NOL8: variants seen among roughly 807,000 people sequenced by gnomAD.
The protein encoded by NOL8 is nucleolar protein 8.
A neutral mutation model predicts 116.1 loss-of-function variants in NOL8; 93 were observed. That is an observed-to-expected ratio of 0.80 (90% CI 0.68 to 0.95). The LOEUF (loss-of-function observed/expected upper bound fraction) is 0.95, where lower values mean the gene tolerates loss of function less well. NOL8 is among the 40% of genes least tolerant of loss of function. The pLI, the probability that NOL8 is intolerant of heterozygous loss-of-function variation, is 0.00. For synonymous variants in NOL8, 419 were observed against 469.0 expected, an observed-to-expected ratio of 0.89 and a Z score of 1.38; for missense variants, 1,291 against 1,382.8, an observed-to-expected ratio of 0.93 and a Z score of 1.05.
Position 92,307,007 on chromosome 9 carries a change from T to C in NOL8, c.2704A>G (p.Thr902Ala). Residue 902 changes from threonine (T) to alanine (A), a missense_variant, in exon 11 of 17, where the codon ACT becomes GCT. Thr to Ala is a moderately conservative substitution (Grantham distance 58). Transcript: ENST00000442668. ...TCAGCAAGCTCTTCTTCCTCAGCAG[T>C]TTTCTTTTCATTTACCTCTTTGAGG... ...EEQEEVNEKK[T>A]AEEEELAEEK... 1 of 1,610,468 alleles carries C rather than the reference T, an allele frequency of 6.2e-7. No individual in the cohort carries two copies. Among genetic ancestry groups the C allele is most frequent in the Non-Finnish European group, 8.5e-7 (1 of 1,179,238 alleles).
chr9:92,314,590 T>A lies in NOL8; in HGVS notation c.2035A>T (p.Lys679Ter). Residue 679 changes from lysine to a stop codon, truncating the protein, a stop_gained, in exon 7 of 17, where the codon AAG (lysine) becomes TAG (stop). Coordinates refer to ENST00000442668, the MANE Select transcript of NOL8 (RefSeq NM_017948.6). LOFTEE classifies it high-confidence loss of function. ...TTTGCACTAAGACTTAAGGACTTCT[T>A]ACCTTCTAATGGCCTAGAAATAGGA... ...KNPISRPLEG[K>*]KSLSLSAKTH... The A allele has an allele frequency of 6.2e-7, 1 of 1,612,882 alleles. No individual in the cohort carries two copies. Among genetic ancestry groups the A allele is most frequent in the Non-Finnish European group, 8.5e-7 (1 of 1,179,288 alleles).
At chr9:92,311,311 T>C (rs150738458) in intron 7 of NOL8, 52 bp from the exon 8 acceptor site, 1 of 1,384,608 alleles carries the variant, frequency 7.2e-7, no homozygotes, top group African/African-American at 1.4e-5. Flanking sequence ...TGATGAAGAC[T>C]CCAAAAGCAA....
At chr9:92,304,057 G>A (rs1838002802) in intron 12 of NOL8, among the ~76,000 whole-genome samples, 1 of 152,122 alleles carries the variant, frequency 6.6e-6, no homozygotes. Context: ...GGTAGGTACA[G>A]GAACATTTCA....
At chr9:92,319,809 A>G (rs765575033) in intron 4 of NOL8, 19 of 326,386 alleles carry the variant, frequency 5.8e-5, no homozygotes, top group Non-Finnish European at 1.1e-4. Flanking sequence ...ACCACCAGCA[A>G]CTGAGCTATA....
At chr9:92,320,296 C>T (rs983703501) in intron 4 of NOL8, 16 of 417,410 alleles carry the variant, frequency 3.8e-5, no homozygotes, top group African/African-American at 2.2e-4. Context: ...GGCATATCCA[C>T]GCAGATACTC....
chr9:92,310,855 C>A, intron 8 of NOL8, 180 bp from the exon 9 acceptor site: 1 of 641,782 alleles, frequency 1.6e-6, no homozygotes. Context: ...TCTGGGATCA[C>A]TAATCCAGAG....
At chr9:92,313,241 G>C (rs574293587) in intron 7 of NOL8, among the ~76,000 whole-genome samples, 17 of 152,028 alleles carry the variant, frequency 1.1e-4, no homozygotes, top group Middle Eastern at 3.2e-3. Flanking sequence ...TTACGGTTTT[G>C]ACTTTCCACC....
Position 92,301,730 on chromosome 9 carries a change from T to G in NOL8, c.2996A>C (p.Glu999Ala). ...MYYNIAMDLK[E>A]IFQTTKYTSE... ...GGTATATTTTGTAGTTTGGAATATT[T>G]CTTTCAGATCCATAGCAATATTATA... is the stretch of plus-strand genomic sequence containing the variant. The change falls in exon 13 of 17, where the codon GAA becomes GCA. Residue 999 changes from glutamate to alanine, a missense_variant. Physicochemically the swap from Glu to Ala is moderately radical, Grantham distance 107 (BLOSUM62 -1). Coordinates refer to ENST00000442668, the MANE Select transcript of NOL8 (RefSeq NM_017948.6). 1 of 1,607,798 alleles carries G rather than the reference T, an allele frequency of 6.2e-7. No homozygotes were observed. The highest frequency in any genetic ancestry group is 8.5e-7 in the Non-Finnish European group (1 of 1,177,744).
At chr9:92,316,209 A>G in intron 6 of NOL8, 71 bp from the exon 7 acceptor site, 1 of 1,465,780 alleles carries the variant, frequency 6.8e-7, no homozygotes, top group Non-Finnish European at 9.1e-7. Context: ...GATACAAAAA[A>G]TATTGCTTAA....
intron 11 of NOL8, among the ~76,000 whole-genome samples, chr9:92,306,379 C>T (rs1030416566): frequency 1.3e-5 from 2 of 152,108 alleles, no homozygotes; most frequent in East Asian, 1.9e-4. Flanking sequence ...AAAATACATA[C>T]AGATAAAATG....
Position 92,315,077 on chromosome 9 carries a change from T to C in NOL8, c.1548A>G (p.Gln516=), listed in dbSNP as rs1330841551. Residue 516 remains glutamine, a synonymous_variant, in exon 7 of 17, where the codon CAA becomes CAG. Transcript: ENST00000442668. ...TKSDGPETTT[Q]CKFDRGSKSP... ...TCTTGGAGCCTCTGTCAAACTTGCATTGGGTGGTGGTTTCTGGTCCATCAC... is the reference window on the plus strand; with the variant it reads ...TCTTGGAGCCTCTGTCAAACTTGCACTGGGTGGTGGTTTCTGGTCCATCAC... The C allele has an allele frequency of 7.4e-6, 12 of 1,613,968 alleles. No individual in the cohort carries two copies. The highest frequency in any genetic ancestry group is 3.3e-5 in the Admixed American group (2 of 60,014).
chr9:92,297,746 A>G lies in NOL8; in HGVS notation c.*90T>C, dbSNP rs558413540. The stretch of plus-strand genomic sequence containing the variant: ...ATTTTTAAAATTCCTTCACTCTGAA[A>G]TTTCTTCTTTGTCAGCTAAAACTGT... On this transcript the variant is annotated 3_prime_UTR_variant, in exon 17 of 17. Coordinates refer to ENST00000442668, the MANE Select transcript of NOL8 (RefSeq NM_017948.6). 2 of 977,218 alleles carry G rather than the reference A, an allele frequency of 2.0e-6. No individual in the cohort carries two copies. Among genetic ancestry groups the G allele is most frequent in the East Asian group, 5.7e-5 (2 of 34,950 alleles). 60.5% of individuals were successfully genotyped at this position (977,218 alleles called of 1,614,324 possible).
At position 92,298,298 on chromosome 9, in the gene NOL8, T is replaced by C. The variant is rs1309230015; in HGVS notation, c.3412A>G (p.Ser1138Gly). Residue 1138 changes from serine to glycine, a missense_variant, in exon 16 of 17, where the codon AGC becomes GGC. Ser to Gly is a moderately conservative substitution (Grantham distance 56, BLOSUM62 0). Transcript: ENST00000442668. ...GTTCTGGCCTCCCAAGAGTTCCTGCTCATATTACTTCCTACTCCTCTCCAG... is the reference window on the plus strand; with the variant it reads ...GTTCTGGCCTCCCAAGAGTTCCTGCCCATATTACTTCCTACTCCTCTCCAG... ...LFWRGVGSNMSRNSWEARTTN... is the reference protein window; with the variant it reads ...LFWRGVGSNMGRNSWEARTTN... 1 of 1,609,406 alleles carries C rather than the reference T, an allele frequency of 6.2e-7. No individual in the cohort carries two copies. Among genetic ancestry groups the C allele is most frequent in the African/African-American group, 1.3e-5 (1 of 74,952 alleles).
At chr9:92,302,006 A>G (rs995234532) in intron 12 of NOL8, among the ~76,000 whole-genome samples, 184 bp from the exon 13 acceptor site, 5 of 152,238 alleles carry the variant, frequency 3.3e-5, no homozygotes, top group Non-Finnish European at 7.3e-5. Context: ...CTCTACTAAT[A>G]GAAGCAAAAT....
intron 5 of NOL8, chr9:92,318,917 A>G: frequency 2.0e-6 from 1 of 511,124 alleles, no homozygotes; most frequent in South Asian, 3.2e-5. Context: ...GATGGTTTAC[A>G]AAAAACACTG....
chr9:92,320,509 C>T (rs1457454522), intron 4 of NOL8: 6 of 189,646 alleles, frequency 3.2e-5, no homozygotes, highest in Non-Finnish European at 1.1e-5. Flanking sequence ...TTGCTTGCCA[C>T]TCGTTTTAGA....
intron 12 of NOL8, 24 bp from the exon 13 acceptor site, chr9:92,301,846 T>C: frequency 6.6e-7 from 1 of 1,520,090 alleles, no homozygotes; most frequent in East Asian, 2.4e-5. Context: ...TGTAGACATG[T>C]GCATCACAAA....
At chr9:92,300,918 C>T in intron 13 of NOL8, 1 of 970,764 alleles carries the variant, frequency 1.0e-6, no homozygotes, top group Non-Finnish European at 1.2e-6. Context: ...GTGTATTCTT[C>T]TGTATAGGTA....
chr9:92,316,466 C>T (rs1839421838), intron 6 of NOL8, among the ~76,000 whole-genome samples: 1 of 152,156 alleles, frequency 6.6e-6, no homozygotes, highest in Admixed American at 6.5e-5. Flanking sequence ...AGAAATCCAA[C>T]CATCGAACTG....
Sources: allele counts gnomAD v4.1 joint callset (sites outside exome capture counted in the v4.1 genomes callset), GRCh38; gene constraint gnomAD v4.1.1; transcripts MANE v1.5; gene names NCBI Gene and HGNC (gene_info 2026-07-23, HGNC 2026-07-21).